TXNDC16: variants seen among roughly 807,000 people sequenced by gnomAD.
The protein encoded by TXNDC16 is thioredoxin domain-containing protein 16.
TXNDC16 carries 74 observed loss-of-function variants against 85.6 expected under a neutral mutation model. The observed-to-expected ratio is 0.86, with a 90% CI of 0.72 to 1.05. The LOEUF (loss-of-function observed/expected upper bound fraction) is 1.05, where lower values mean the gene tolerates loss of function less well. TXNDC16 is among the 50% of genes least tolerant of loss of function. The probability of loss-of-function intolerance (pLI) is 0.00; values close to 1 mark genes in which losing one functional copy is unlikely to be tolerated. For synonymous variants in TXNDC16, 335 were observed against 326.5 expected (o/e 1.03, Z -0.28); for missense variants, 959 against 947.0 (o/e 1.01, Z -0.17).
intron 18 of TXNDC16, among the ~76,000 whole-genome samples, chr14:52,449,157 G>A (rs2035350231): frequency 6.7e-6 from 1 of 148,548 alleles, no homozygotes. Flanking sequence ...TGGCTGAAGA[G>A]ATTAAAAAAA....
At chr14:52,434,715 A>T (rs2034987095) in intron 20 of TXNDC16, among the ~76,000 whole-genome samples, 1 of 152,184 alleles carries the variant, frequency 6.6e-6, no homozygotes, top group African/African-American at 2.4e-5. Context: ...CCATCTCAGA[A>T]CACCACTGTT....
At chr14:52,530,247 A>AT (rs1491407146) in intron 6 of TXNDC16, among the ~76,000 whole-genome samples, 1 of 45,964 alleles carries the variant, frequency 2.2e-5, no homozygotes, top group African/African-American at 1.4e-4. Context: ...AATAATATAT[A>AT]ATATATATTA....
chr14:52,512,561 G>A (rs2036981090), intron 8 of TXNDC16, among the ~76,000 whole-genome samples: 1 of 152,144 alleles, frequency 6.6e-6, no homozygotes, highest in South Asian at 2.1e-4. Flanking sequence ...AGTGCAGGAG[G>A]TCCTAGTTAA....
intron 6 of TXNDC16, among the ~76,000 whole-genome samples, chr14:52,523,347 G>T (rs2037255419): frequency 6.6e-6 from 1 of 152,138 alleles, no homozygotes; most frequent in East Asian, 1.9e-4. Context: ...GTGTCAGAAA[G>T]AAAAACAACA....
chr14:52,534,513 T>C (rs550806322), intron 6 of TXNDC16, among the ~76,000 whole-genome samples: 2 of 152,192 alleles, frequency 1.3e-5, no homozygotes, highest in African/African-American at 2.4e-5. Flanking sequence ...AGATTGAACA[T>C]GGCTGCTGTA....
At chr14:52,451,973 A>T (rs1468496100) in intron 18 of TXNDC16, among the ~76,000 whole-genome samples, 1 of 152,210 alleles carries the variant, frequency 6.6e-6, no homozygotes, top group African/African-American at 2.4e-5. Context: ...TCAAGCTGAT[A>T]AACAAATTCA....
intron 16 of TXNDC16, among the ~76,000 whole-genome samples, chr14:52,463,715 A>G (rs2035706626): frequency 6.6e-6 from 1 of 152,246 alleles, no homozygotes; most frequent in South Asian, 2.1e-4. Context: ...TTCACTACTT[A>G]TAGAGAAACC....
intron 9 of TXNDC16, among the ~76,000 whole-genome samples, chr14:52,508,306 C>G (rs1270102723): frequency 2.0e-5 from 3 of 152,140 alleles, no homozygotes; most frequent in Non-Finnish European, 4.4e-5. Flanking sequence ...CCAAAAGACA[C>G]ATGAAAAAAT....
intron 4 of TXNDC16, among the ~76,000 whole-genome samples, chr14:52,541,412 T>C (rs2037829098): frequency 6.6e-6 from 1 of 152,240 alleles, no homozygotes; most frequent in African/African-American, 2.4e-5. Context: ...ACTTCATTTC[T>C]AAGTTTCAAT....
intron 16 of TXNDC16, among the ~76,000 whole-genome samples, chr14:52,460,033 T>G (rs1027579903): frequency 6.6e-6 from 1 of 152,038 alleles, no homozygotes; most frequent in Non-Finnish European, 1.5e-5. Flanking sequence ...TCTTACCCAA[T>G]GCAGTCTTGG....
chr14:52,498,250 C>A (rs1460033806), intron 9 of TXNDC16, among the ~76,000 whole-genome samples: 1 of 152,092 alleles, frequency 6.6e-6, no homozygotes, highest in Non-Finnish European at 1.5e-5. Flanking sequence ...GTCAAGGATA[C>A]CCACTCTTGA....
In TXNDC16 at chr14:52,520,597, G is replaced by A. The variant is rs750594662; in HGVS notation, c.393-1304C>T. Among the ~76,000 whole-genome samples the A allele has an allele frequency of 1.3e-3, 202 of 152,098 alleles. 1 individual carries two copies. The highest frequency in any genetic ancestry group is 1.2e-3 in the Non-Finnish European group (83 of 67,992). The stretch of plus-strand genomic sequence containing the variant: ...TGCACTCCAGCCTGGGCGACAGAGC[G>A]AGATTCTGTCTCAAAAACATGAAAT... On this transcript the variant is annotated intron_variant, in intron 6 of 20. Transcript: ENST00000281741.
chr14:52,451,478 C>T (rs2035411129), intron 18 of TXNDC16, among the ~76,000 whole-genome samples: 1 of 151,982 alleles, frequency 6.6e-6, no homozygotes, highest in Admixed American at 6.6e-5. Flanking sequence ...TTCAACAATA[C>T]ATTAAAAAGA....
intron 16 of TXNDC16, among the ~76,000 whole-genome samples, chr14:52,458,068 A>T (rs1452420547): frequency 6.6e-6 from 1 of 152,228 alleles, no homozygotes; most frequent in African/African-American, 2.4e-5. Context: ...CTGAACCCAA[A>T]GATCTGTACC....
At chr14:52,501,614 A>C (rs1319954421) in intron 9 of TXNDC16, among the ~76,000 whole-genome samples, 2 of 152,198 alleles carry the variant, frequency 1.3e-5, no homozygotes, top group Non-Finnish European at 2.9e-5. Context: ...AGCAAGAAAC[A>C]TGAATTCAAA....
At position 52,455,635 on chromosome 14, in the gene TXNDC16, AG is replaced by A. The variant is rs536229429; in HGVS notation, c.1704-174del. 1.3e-4 allele frequency among the ~76,000 whole-genome samples: 20 copies of A among 152,336 alleles called. No individual in the cohort carries two copies. In the South Asian group the frequency reaches 4.1e-3, roughly 32 times the overall value. Reference sequence around the variant, plus strand: ...ATCTTCTATGACAACCTACATTAAAAGAAAGAAACAGGTAATGATCTATAAC... The same window carrying A: ...ATCTTCTATGACAACCTACATTAAAAAAAGAAACAGGTAATGATCTATAAC... On this transcript the variant is annotated intron_variant, in intron 17 of 20. Transcript: ENST00000281741.
intron 9 of TXNDC16, among the ~76,000 whole-genome samples, chr14:52,493,125 G>GA (rs1329013852): frequency 3.4e-5 from 5 of 146,846 alleles, no homozygotes; most frequent in Middle Eastern, 3.5e-3. Flanking sequence ...TTTTTTTAAA[G>GA]AAAAAATTAT....
chr14:52,492,866 CAA>C (rs938352551), intron 9 of TXNDC16, among the ~76,000 whole-genome samples: 2 of 152,202 alleles, frequency 1.3e-5, no homozygotes, highest in African/African-American at 4.8e-5. Context: ...CCACATCTCT[CAA>C]GTCTCCCCCA....
intron 16 of TXNDC16, 106 bp downstream of exon 16, chr14:52,469,931 C>T: frequency 9.0e-7 from 1 of 1,112,982 alleles, no homozygotes; most frequent in South Asian, 1.9e-5. Flanking sequence ...TCAAACTTCT[C>T]CATAATTTTG....
Sources: gnomAD v4.1 joint callset for allele counts (sites outside exome capture counted in the v4.1 genomes callset) on GRCh38, gnomAD v4.1.1 for gene constraint, MANE v1.5 for transcripts, NCBI Gene and HGNC (gene_info 2026-07-23, HGNC 2026-07-21) for gene names.